Variants in CFAP77 observed in about 807,000 individuals in gnomAD.
CFAP77 encodes cilia and flagella associated protein 77, also known as cilia- and flagella-associated protein 77.
A neutral mutation model predicts 31.1 loss-of-function variants in CFAP77; 25 were observed. That is an observed-to-expected ratio of 0.80 (90% CI 0.59 to 1.12). CFAP77 has a LOEUF of 1.12. Among genes scored for constraint, CFAP77 ranks in the 50% most tolerant of loss-of-function variants. The pLI is 0.00. For missense variants in CFAP77, 377 were observed against 397.3 expected, an observed-to-expected ratio of 0.95 and a Z score of 0.44; for synonymous variants, 151 against 159.9, an observed-to-expected ratio of 0.94 and a Z score of 0.42.
At chr9:132,446,801 G>C (rs945773543) in intron 1 of CFAP77, among the ~76,000 whole-genome samples, 27 of 150,584 alleles carry the variant, frequency 1.8e-4, no homozygotes, top group African/African-American at 6.6e-4. Flanking sequence ...GGGCTCTACT[G>C]TGTGGGAAAG....
At chr9:132,411,646 T>TGGACAGCCA (rs1554731544) in intron 1 of CFAP77, among the ~76,000 whole-genome samples, 4 of 152,054 alleles carry the variant, frequency 2.6e-5, no homozygotes, top group Admixed American at 6.5e-5. Flanking sequence ...CCACTCTGAG[T>TGGACAGCCA]GGACAGGCAG....
intron 5 of CFAP77, among the ~76,000 whole-genome samples, chr9:132,561,177 G>C (rs1447321439): frequency 6.6e-6 from 1 of 152,132 alleles, no homozygotes; most frequent in Non-Finnish European, 1.5e-5. Flanking sequence ...AGGAATTACT[G>C]ACCTGGGACT....
intron 4 of CFAP77, among the ~76,000 whole-genome samples, chr9:132,541,417 G>T (rs1238217418): frequency 1.3e-5 from 2 of 152,190 alleles, no homozygotes; most frequent in Admixed American, 1.3e-4. Flanking sequence ...TTGGTTCAAA[G>T]ATAGTTTCAA....
At chr9:132,468,152 G>A (rs1339315609) in intron 1 of CFAP77, among the ~76,000 whole-genome samples, 1 of 152,052 alleles carries the variant, frequency 6.6e-6, no homozygotes, top group East Asian at 1.9e-4. Context: ...AGACCAGCCT[G>A]GTCAACATGG....
chr9:132,518,057 C>A (rs996135450), intron 3 of CFAP77, among the ~76,000 whole-genome samples: 2 of 152,118 alleles, frequency 1.3e-5, no homozygotes, highest in African/African-American at 4.8e-5. Flanking sequence ...AGGTTATCAG[C>A]AAATAATTTG....
chr9:132,484,922 C>T (rs1035975584), intron 1 of CFAP77, among the ~76,000 whole-genome samples: 1 of 150,778 alleles, frequency 6.6e-6, no homozygotes, highest in African/African-American at 2.4e-5. Flanking sequence ...GCTTTTGGGT[C>T]ACTGCAACCT....
rs753576555 is a variant in CFAP77 at position 132,498,390 on chromosome 9, G to A, written c.196-305G>A. On this transcript the variant is annotated intron_variant, in intron 1 of 5. Transcript: ENST00000393216. This position sits in a 1 kb window ranked among gnomAD's most constrained non-coding sequence, Gnocchi z 4.2. ...GTCTAGGCTGCACCCCAAACACAGC[G>A]GCTCAGCTCGGGGACTGTGCTCCCC... is the stretch of plus-strand genomic sequence containing the variant. 5.3e-5 allele frequency among the ~76,000 whole-genome samples: 8 copies of A among 152,242 alleles called. No homozygotes were observed. Among genetic ancestry groups the A allele is most frequent in the African/African-American group, 9.6e-5 (4 of 41,536 alleles).
At chr9:132,536,447 G>A (rs1470876244) in intron 3 of CFAP77, among the ~76,000 whole-genome samples, 1 of 146,720 alleles carries the variant, frequency 6.8e-6, no homozygotes, top group Non-Finnish European at 1.5e-5. Context: ...AGGCTGGAGT[G>A]CAGTGACGTG....
rs1414265595 is a variant in CFAP77, at chr9:132,481,621, A to G, written c.196-17074A>G. Among the ~76,000 whole-genome samples, 1 of 152,128 alleles carries G rather than the reference A, an allele frequency of 6.6e-6. No individual in the cohort carries two copies. The highest frequency in any genetic ancestry group is 6.5e-5 in the Admixed American group (1 of 15,284). On this transcript the variant is annotated intron_variant, in intron 1 of 5. Coordinates refer to ENST00000393216, the MANE Select transcript of CFAP77 (RefSeq NM_001282957.2). This position sits in a 1 kb window ranked among gnomAD's most constrained non-coding sequence, Gnocchi z 5.0. The stretch of plus-strand genomic sequence containing the variant: ...GTCAACCCAGAACCAATCATAAAGC[A>G]ACCCCAGAGGCTGCGAAGAGGAGGG...
intron 1 of CFAP77, among the ~76,000 whole-genome samples, chr9:132,439,376 T>G (rs1850574622): frequency 6.6e-6 from 1 of 152,122 alleles, no homozygotes; most frequent in Admixed American, 6.5e-5. Context: ...TTTGGCTTCC[T>G]TCCTCTATGA....
intron 5 of CFAP77, among the ~76,000 whole-genome samples, chr9:132,562,722 C>A (rs1443191025): frequency 6.6e-6 from 1 of 151,310 alleles, no homozygotes; most frequent in Non-Finnish European, 1.5e-5. Flanking sequence ...TTTTTTGAGA[C>A]AGAGTCTCGC....
At chr9:132,452,392 T>A (rs963818054) in intron 1 of CFAP77, among the ~76,000 whole-genome samples, 2 of 152,216 alleles carry the variant, frequency 1.3e-5, no homozygotes, top group African/African-American at 4.8e-5. Flanking sequence ...CCCCTTCCCG[T>A]GCCCCTGCTT....
intron 3 of CFAP77, among the ~76,000 whole-genome samples, chr9:132,510,195 C>T (rs1302262658): frequency 2.0e-5 from 3 of 152,198 alleles, no homozygotes; most frequent in Admixed American, 6.5e-5. Flanking sequence ...TCAACGCTAA[C>T]GAGGCTGGCC....
chr9:132,487,992 G>T (rs151252347), intron 1 of CFAP77, among the ~76,000 whole-genome samples: 1 of 152,294 alleles, frequency 6.6e-6, no homozygotes, highest in Non-Finnish European at 1.5e-5. Context: ...GTATGTGTGT[G>T]CCTATGTATG....
chr9:132,440,355 G>GTAA (rs1311899464), intron 1 of CFAP77, among the ~76,000 whole-genome samples: 3 of 151,586 alleles, frequency 2.0e-5, no homozygotes, highest in Admixed American at 6.6e-5. Context: ...AATAATAATA[G>GTAA]TAATAATAAT....
At chr9:132,537,793 T>C in intron 4 of CFAP77, 87 bp downstream of exon 4, 2 of 923,690 alleles carry the variant, frequency 2.2e-6, no homozygotes, top group Non-Finnish European at 3.4e-6. Context: ...GAGATGACAC[T>C]TGTGTATGTT....
intron 1 of CFAP77, among the ~76,000 whole-genome samples, chr9:132,450,176 C>T (rs544196487): frequency 1.1e-4 from 17 of 151,420 alleles, no homozygotes; most frequent in South Asian, 4.2e-4. Context: ...GTGATCTGCC[C>T]GCCTCGCCCT....
intron 3 of CFAP77, among the ~76,000 whole-genome samples, chr9:132,502,261 A>ATT (rs1851857857): frequency 1.9e-4 from 14 of 72,384 alleles, no homozygotes; most frequent in African/African-American, 9.7e-4. Flanking sequence ...ATATATATAT[A>ATT]TATATTTTTT....
At chr9:132,449,261 TC>T in intron 1 of CFAP77, among the ~76,000 whole-genome samples, 1 of 151,734 alleles carries the variant, frequency 6.6e-6, no homozygotes, top group African/African-American at 2.4e-5. Context: ...TGTCTTTTGC[TC>T]CCTTGCACTC....
Sources: gnomAD v4.1 joint callset for allele counts (sites outside exome capture counted in the v4.1 genomes callset) on GRCh38, gnomAD v4.1.1 for gene constraint, Gnocchi (gnomAD v3.1) non-coding constraint, MANE v1.5 for transcripts, NCBI Gene and HGNC (gene_info 2026-07-23, HGNC 2026-07-21) for gene names.